Variants in TMEM116 observed in about 807,000 individuals in gnomAD.
TMEM116 encodes transmembrane protein 116.
A neutral mutation model predicts 44.3 loss-of-function variants in TMEM116; 38 were observed. That is an observed-to-expected ratio of 0.86 (90% CI 0.66 to 1.12). TMEM116 has a LOEUF of 1.12. Ranked by LOEUF, TMEM116 falls within the 50% of genes most tolerant of loss-of-function variation. The pLI, the probability that TMEM116 is intolerant of heterozygous loss-of-function variation, is 0.00. For synonymous variants in TMEM116, 132 were observed against 144.8 expected, an observed-to-expected ratio of 0.91 and a Z score of 0.64; for missense variants, 354 against 401.7, an observed-to-expected ratio of 0.88 and a Z score of 1.01.
intron 3 of TMEM116, among the ~76,000 whole-genome samples, chr12:112,002,783 T>C (rs1165578698): frequency 6.6e-6 from 1 of 152,180 alleles, no homozygotes; most frequent in Non-Finnish European, 1.5e-5. Flanking sequence ...CATACAGAAG[T>C]TATTTTTATT....
chr12:111,982,209 T>C (rs1289936574), intron 4 of TMEM116, among the ~76,000 whole-genome samples: 1 of 152,114 alleles, frequency 6.6e-6, no homozygotes, highest in African/African-American at 2.4e-5. Context: ...AAATGTTAAG[T>C]ATGTGAGGTA....
chr12:111,953,651 G>A (rs1040675834), intron 4 of TMEM116, among the ~76,000 whole-genome samples: 5 of 152,258 alleles, frequency 3.3e-5, no homozygotes, highest in South Asian at 2.1e-4. Flanking sequence ...CTGATGCCAC[G>A]CTTGTTAATC....
chr12:111,974,253 T>C (rs950508306), intron 4 of TMEM116, among the ~76,000 whole-genome samples: 1 of 152,194 alleles, frequency 6.6e-6, no homozygotes. Flanking sequence ...TGGAATGCTT[T>C]CCTTCTAAAA....
chr12:112,007,003 G>A (rs1414285573), intron 1 of TMEM116, among the ~76,000 whole-genome samples: 1 of 152,220 alleles, frequency 6.6e-6, no homozygotes, highest in African/African-American at 2.4e-5. Flanking sequence ...TACTTGGGAG[G>A]TGGAGGCAGA....
chr12:111,965,744 C>T (rs536311982), intron 4 of TMEM116: 200 of 385,280 alleles, frequency 5.2e-4, no homozygotes, highest in Non-Finnish European at 9.5e-4. Context: ...GCAAACATGG[C>T]GAAACCCCGT....
chr12:111,965,406 A>G (rs777409913), intron 4 of TMEM116, among the ~76,000 whole-genome samples: 1 of 152,210 alleles, frequency 6.6e-6, no homozygotes, highest in East Asian at 1.9e-4. Context: ...AGGAGAGTAC[A>G]TATTTCTGTC....
At chr12:111,982,363 T>G (rs1386480846) in intron 4 of TMEM116, among the ~76,000 whole-genome samples, 1 of 150,932 alleles carries the variant, frequency 6.6e-6, no homozygotes, top group African/African-American at 2.4e-5. Context: ...TGCAGTGGTG[T>G]GATCTCGGCT....
chr12:111,996,253 CA>C (rs1358135911), intron 3 of TMEM116, among the ~76,000 whole-genome samples: 4 of 151,584 alleles, frequency 2.6e-5, no homozygotes, highest in Non-Finnish European at 5.9e-5. Context: ...TGTGTCAAGA[CA>C]CCATAAAGAA....
intron 1 of TMEM116, 123 bp downstream of exon 1, chr12:112,012,879 G>A (rs1432413383): frequency 1.3e-5 from 2 of 153,684 alleles, no homozygotes; most frequent in African/African-American, 2.4e-5. Flanking sequence ...GGCCCTGCTT[G>A]CCACACTGAC....
chr12:111,938,584 G>C (rs2136241303), intron 5 of TMEM116, among the ~76,000 whole-genome samples: 1 of 152,262 alleles, frequency 6.6e-6, no homozygotes, highest in South Asian at 2.1e-4. Flanking sequence ...TTTTCTCTTA[G>C]ACCCAGAGAT....
At chr12:111,940,399 G>A (rs1034361231) in intron 5 of TMEM116, among the ~76,000 whole-genome samples, 1 of 147,324 alleles carries the variant, frequency 6.8e-6, no homozygotes. Context: ...GTTTCACTCT[G>A]TTACTCAGGC....
chr12:111,990,057 C>T (rs1174413249), intron 4 of TMEM116, among the ~76,000 whole-genome samples: 1 of 152,084 alleles, frequency 6.6e-6, no homozygotes, highest in East Asian at 1.9e-4. Flanking sequence ...AGATCGAGAC[C>T]ATCCTGGTTA....
chr12:112,005,160 G>C lies in TMEM116; in HGVS notation c.14+97C>G, dbSNP rs2077511188. ...AGAATATCATTTCTCTTTAACTAAA[G>C]AGTAAAAGCAAATCCCCAAGGGGGA... On this transcript the variant is annotated intron_variant, in intron 2 of 10. Coordinates refer to ENST00000552374, the MANE Select transcript of TMEM116 (RefSeq NM_001193531.2). 6.6e-6 allele frequency: 5 copies of C among 756,316 alleles called. No individual in the cohort carries two copies. In the South Asian group the frequency reaches 1.1e-4, roughly 17 times the overall value. The allele number at this position is 756,316 out of a possible 1,614,324, so 46.9% of individuals were successfully genotyped here. A position where few individuals can be genotyped will look rare whatever the true frequency, so the allele number is the denominator to read the frequency against.
upstream of TMEM116, chr12:112,013,191 G>T (rs550655216): frequency 2.4e-6 from 1 of 419,412 alleles, no homozygotes; most frequent in South Asian, 4.5e-5. Context: ...AAGACTCGGC[G>T]AGTGCGCGCG....
At chr12:111,992,913 T>A (rs2076699004) in intron 3 of TMEM116, 1 of 152,316 alleles carries the variant, frequency 6.6e-6, no homozygotes, top group South Asian at 2.1e-4. Flanking sequence ...ACTCTGAATC[T>A]GATGTGGAAG....
At chr12:111,958,198 T>G (rs915951210) in intron 4 of TMEM116, among the ~76,000 whole-genome samples, 1 of 147,594 alleles carries the variant, frequency 6.8e-6, no homozygotes, top group Non-Finnish European at 1.5e-5. Context: ...GTTTATCTGC[T>G]GACCTTCCCT....
chr12:111,997,856 A>G (rs545128554), intron 3 of TMEM116, among the ~76,000 whole-genome samples: 1 of 152,368 alleles, frequency 6.6e-6, no homozygotes, highest in East Asian at 1.9e-4. Context: ...AATATCAGCT[A>G]TTATGTTAAC....
rs763389000 is a variant in TMEM116, at chr12:111,940,472, T to TACACACACAC, written c.316-2263_316-2262insGTGTGTGTGT. On this transcript the variant is annotated intron_variant, in intron 5 of 10. Coordinates refer to ENST00000552374, the MANE Select transcript of TMEM116 (RefSeq NM_001193531.2). The stretch of plus-strand genomic sequence containing the variant: ...CAATCTCCTGCCCCCCACATATATA[T>TACACACACAC]ATATACATACACACACACACACACA... Among the ~76,000 whole-genome samples the TACACACACAC allele has an allele frequency of 6.3e-3, 617 of 97,564 alleles. 3 individuals carry two copies. The highest frequency in any genetic ancestry group is 8.3e-3 in the Non-Finnish European group (440 of 53,008). The allele number at this position is 97,564 out of a possible 152,430, so 64.0% of individuals were successfully genotyped here.
At chr12:111,937,324 C>T in intron 6 of TMEM116, 81 bp from the exon 7 acceptor site, 1 of 1,056,556 alleles carries the variant, frequency 9.5e-7, no homozygotes, top group East Asian at 2.5e-5. Context: ...TCCTGCTCTT[C>T]CCTCAACTCT....
Sources: allele counts gnomAD v4.1 joint callset (sites outside exome capture counted in the v4.1 genomes callset), GRCh38; gene constraint gnomAD v4.1.1; transcripts MANE v1.5; gene names NCBI Gene and HGNC (gene_info 2026-07-23, HGNC 2026-07-21).